PLK2: variants seen among roughly 807,000 people sequenced by gnomAD.
PLK2 encodes the protein serine/threonine-protein kinase PLK2.
In PLK2, 25 loss-of-function variants were observed where a neutral mutation model predicts 78.1. The observed-to-expected ratio is 0.32, with a 90% CI of 0.23 to 0.45. The LOEUF (loss-of-function observed/expected upper bound fraction) is 0.45. Among genes scored for constraint, PLK2 ranks in the 20% least tolerant of loss-of-function variants. The probability of loss-of-function intolerance (pLI) is 1.00; values close to 1 mark genes in which losing one functional copy is unlikely to be tolerated. For synonymous variants in PLK2, 332 were observed against 298.2 expected (o/e 1.11, Z -1.17); for missense variants, 566 against 840.2 (o/e 0.67, Z 4.04).
In PLK2 at chr5:58,456,173, T is replaced by C. The variant is rs199631126; in HGVS notation, c.1255-18A>G. On this transcript the variant is annotated intron_variant, in intron 9 of 13. Coordinates refer to ENST00000274289, the MANE Select transcript of PLK2 (RefSeq NM_006622.4). ...TGGAGCTCCTTAGAAGAGAGAAGAT[T>C]TATGCAATGAGTCAAGCATCTAAAT... is the stretch of plus-strand genomic sequence containing the variant. The C allele has an allele frequency of 7.5e-5, 120 of 1,603,580 alleles. No individual in the cohort carries two copies. Among genetic ancestry groups the C allele is most frequent in the Non-Finnish European group, 9.7e-5 (114 of 1,176,788 alleles).
At chr5:58,455,930 T>C in intron 10 of PLK2, 96 bp downstream of exon 10, 1 of 1,485,206 alleles carries the variant, frequency 6.7e-7, no homozygotes, top group South Asian at 1.3e-5. Context: ...ACTTCTATGT[T>C]AAATTAAGCT....
rs1488872703 is a variant in PLK2, at chr5:58,453,997, A to G, written c.*586T>C. The G allele has an allele frequency of 6.6e-6, 1 of 152,362 alleles. No homozygotes were observed. The highest frequency in any genetic ancestry group is 2.4e-5 in the African/African-American group (1 of 41,350). 9.4% of individuals were successfully genotyped at this position (152,362 alleles called of 1,614,324 possible). ...GAGACCATTATTTCTGCGTTTTCATACTCTTTATTGCCAACGGTTTAAAAT... is the reference window on the plus strand; with the variant it reads ...GAGACCATTATTTCTGCGTTTTCATGCTCTTTATTGCCAACGGTTTAAAAT... On this transcript the variant is annotated 3_prime_UTR_variant, in exon 14 of 14. Coordinates refer to ENST00000274289, the MANE Select transcript of PLK2 (RefSeq NM_006622.4).
At chr5:58,457,986 G>A (rs1328936556) in intron 5 of PLK2, 98 bp downstream of exon 5, 1 of 799,104 alleles carries the variant, frequency 1.3e-6, no homozygotes, top group Non-Finnish European at 2.2e-6. Flanking sequence ...ATGATTTATA[G>A]ATTTTATTAC....
chr5:58,456,078 A>G lies in PLK2; in HGVS notation c.1332T>C (p.Ala444=). 6.2e-7 allele frequency: 1 copy of G among 1,614,056 alleles called. No individual in the cohort carries two copies. Among genetic ancestry groups the G allele is most frequent in the Non-Finnish European group, 8.5e-7 (1 of 1,179,954 alleles). The change falls in exon 10 of 14, where the codon GCT becomes GCC. Residue 444 remains alanine, a synonymous_variant. Coordinates refer to ENST00000274289, the MANE Select transcript of PLK2 (RefSeq NM_006622.4). The part of the protein sequence containing the change: ...AVENKQQIGD[A]IRMIVRGTLG... The stretch of plus-strand genomic sequence containing the variant: ...GAGTCCCTCTGACTATCATCCGAAT[A>G]GCATCCCCAATCTGCTGCTTGTTTT...
rs368502101 is a variant in PLK2 at position 58,459,040 on chromosome 5, T to C, written c.323A>G (p.Tyr108Cys). Residue 108 changes from tyrosine (Y) to cysteine (C), a missense_variant, in exon 2 of 14, where the codon TAC becomes TGC. By Grantham distance (194) the Tyr-to-Cys change is radical (BLOSUM62 -2). Around this residue, in one of 5 missense-constraint regions of PLK2, gnomAD observed 179 missense variants for 342.3 expected, o/e 0.52. Transcript: ENST00000274289. Reference protein sequence around the residue: ...EMTDLTNNKVYAAKIIPHSRV... With the variant: ...EMTDLTNNKVCAAKIIPHSRV... ...GCTGTGAGGAATAATTTTTGCGGCGTAGACTTTGTTATTTGTCAAATCTGT... is the reference window on the plus strand; with the variant it reads ...GCTGTGAGGAATAATTTTTGCGGCGCAGACTTTGTTATTTGTCAAATCTGT... The C allele has an allele frequency of 1.2e-6, 2 of 1,613,080 alleles. No individual in the cohort carries two copies. Among genetic ancestry groups the C allele is most frequent in the African/African-American group, 2.7e-5 (2 of 74,890 alleles).
chr5:58,459,353 C>T (rs1743694247), intron 1 of PLK2: 7 of 570,580 alleles, frequency 1.2e-5, no homozygotes, highest in Non-Finnish European at 2.2e-5. Context: ...AACGGGGAGA[C>T]ATGAAAAATA....
At chr5:58,458,930 G>C (rs747392929) in intron 2 of PLK2, 55 bp downstream of exon 2, 113 of 1,325,690 alleles carry the variant, frequency 8.5e-5, no homozygotes, top group Non-Finnish European at 1.2e-4. Flanking sequence ...TTTCCTAACA[G>C]GGAAGGGCCA....
Position 58,455,318 on chromosome 5 carries a change from G to A in PLK2, c.1722C>T (p.Tyr574=). The A allele has an allele frequency of 6.2e-7, 1 of 1,614,052 alleles. No homozygotes were observed. Among genetic ancestry groups the A allele is most frequent in the Middle Eastern group, 1.6e-4 (1 of 6,062 alleles). ...QFISQVTVLK[Y]FSHYMEENLM... ...GGTTCTCCTCCATGTAATGAGAAAA[G>A]TATTTCAGCACCGTCACTTGACTAA... Residue 574 remains tyrosine, a synonymous_variant, in exon 12 of 14, where the codon TAC becomes TAT. Transcript: ENST00000274289.
intron 13 of PLK2, 24 bp downstream of exon 13, chr5:58,454,887 C>T (rs182845327): frequency 4.6e-6 from 7 of 1,515,860 alleles, no homozygotes; most frequent in African/African-American, 4.1e-5. Context: ...CCTAAACGTG[C>T]ACTTTCCTGA....
Position 58,457,998 on chromosome 5 carries a change from G to A in PLK2, c.713+86C>T, listed in dbSNP as rs112667300. 1.8e-4 allele frequency: 148 copies of A among 816,568 alleles called. 1 individual carries two copies. The African/African-American group carries it at 2.0e-3, about 11-fold the overall frequency. 50.6% of individuals were successfully genotyped at this position (816,568 alleles called of 1,614,324 possible). A position where few individuals can be genotyped will look rare whatever the true frequency, so the allele number is the denominator to read the frequency against. On this transcript the variant is annotated intron_variant, in intron 5 of 13. Transcript: ENST00000274289. The stretch of plus-strand genomic sequence containing the variant: ...GCTATGATTTATAGATTTTATTACC[G>A]GACCTCTGAAACATTAAATGCAAAA...
chr5:58,458,623 C>T, intron 3 of PLK2, 95 bp from the exon 4 acceptor site: 2 of 1,333,174 alleles, frequency 1.5e-6, no homozygotes, highest in Non-Finnish European at 1.1e-6. Context: ...GTTAACTTTG[C>T]AGTGTAAGTG....
rs1561215126 is a variant in PLK2, at chr5:58,454,671, A to G, written c.1970T>C (p.Leu657Pro). 6.2e-7 allele frequency: 1 copy of G among 1,613,666 alleles called. No individual in the cohort carries two copies. Residue 657 changes from leucine to proline, a missense_variant, in exon 14 of 14, where the codon CTG becomes CCG. Transcript: ENST00000274289. The stretch of plus-strand genomic sequence containing the variant: ...ACAGCCAGACATCAGCAGAGTTGTC[A>G]GCCTGAAAGTTGTAGATATCCTATC... ...NEDRISTTFR[L>P]TTLLMSGCSS... is the part of the protein sequence containing the mutation.
chr5:58,455,407 G>A lies in PLK2; in HGVS notation c.1633C>T (p.His545Tyr), dbSNP rs1226697571. The change falls in exon 12 of 14, where the codon CAC (histidine) becomes TAC (tyrosine). Residue 545 changes from histidine (H) to tyrosine (Y), a missense_variant. Around this residue, in one of 5 missense-constraint regions of PLK2, gnomAD observed 130 missense variants for 196.4 expected, o/e 0.66. Transcript: ENST00000274289. ...MSLLPDKKTV[H>Y]YYAELGQCSV... ...CATTGGCCAAGCTCTGCGTAATAGT[G>A]AACTGTTCTATAAAAACAGGAACGA... The A allele has an allele frequency of 1.2e-6, 2 of 1,613,804 alleles. No individual in the cohort carries two copies. The highest frequency in any genetic ancestry group is 1.3e-5 in the African/African-American group (1 of 74,948).
rs15915 is a variant in PLK2 at position 58,460,016 on chromosome 5, C to T, written c.-57G>A. 0.2 allele frequency: 302,722 copies of T among 1,526,388 alleles called. 33,102 individuals are homozygous for T. The highest frequency in any genetic ancestry group is 0.23 in the Non-Finnish European group (257,625 of 1,138,384). The allele number at this position is 1,526,388 out of a possible 1,614,324, so 94.6% of individuals were successfully genotyped here. On this transcript the variant is annotated 5_prime_UTR_variant, in exon 1 of 14. Coordinates refer to ENST00000274289, the MANE Select transcript of PLK2 (RefSeq NM_006622.4). The stretch of plus-strand genomic sequence containing the variant: ...CACCCCCTAGGCGCGGTCACACGTC[C>T]GAGCCGGCCGTGGTCCTCGCACCCT...
In PLK2 at chr5:58,459,709, C is replaced by T. The variant is rs1438314086; in HGVS notation, c.251G>A (p.Arg84Gln). 6.3e-7 allele frequency: 1 copy of T among 1,594,946 alleles called. No homozygotes were observed. The part of the protein sequence containing the change: ...VDPTTGKRYC[R>Q]GKVLGKGGFA... ...TGTCACCTTTCCCAGCACTTTGCCC[C>T]GGCAGTAGCGCTTCCCAGTCGTGGG... Residue 84 changes from arginine to glutamine, a missense_variant, in exon 1 of 14, where the codon CGG becomes CAG. This residue lies in a region of PLK2 where 127 missense variants were observed against 122.5 expected (regional missense o/e 1.04). Coordinates refer to ENST00000274289, the MANE Select transcript of PLK2 (RefSeq NM_006622.4).
intron 3 of PLK2, 23 bp downstream of exon 3, chr5:58,458,702 C>T (rs1398523079): frequency 3.0e-6 from 4 of 1,337,728 alleles, no homozygotes; most frequent in Admixed American, 1.7e-5. Context: ...AGCAAATGTT[C>T]TCAAATAGGA....
Sources: gnomAD v4.1 joint callset for allele counts on GRCh38, gnomAD v4.1.1 for gene constraint, gnomAD v4.1.1 regional missense constraint, MANE v1.5 for transcripts, NCBI Gene and HGNC (gene_info 2026-07-23, HGNC 2026-07-21) for gene names.